FAM184B: variants seen among roughly 807,000 people sequenced by gnomAD.
FAM184B encodes family with sequence similarity 184 member B.
FAM184B carries 111 observed loss-of-function variants against 135.9 expected under a neutral mutation model. That is an observed-to-expected ratio of 0.82 (90% confidence interval 0.70 to 0.96). FAM184B has a LOEUF of 0.96. Ranked by LOEUF, FAM184B falls within the 40% of genes least tolerant of loss-of-function variation. FAM184B has a pLI of 0.00. For synonymous variants in FAM184B, 552 were observed against 524.8 expected (o/e 1.05, Z -0.71); for missense variants, 1,375 against 1,323.9 (o/e 1.04, Z -0.60).
intron 3 of FAM184B, among the ~76,000 whole-genome samples, chr4:17,707,335 G>A (rs553128199): frequency 6.6e-6 from 1 of 152,226 alleles, no homozygotes; most frequent in East Asian, 1.9e-4. Context: ...TTGTGTAAGT[G>A]GTGGGGGGTG....
chr4:17,766,349 G>A (rs1353325277), intron 1 of FAM184B, among the ~76,000 whole-genome samples: 1 of 152,170 alleles, frequency 6.6e-6, no homozygotes, highest in Non-Finnish European at 1.5e-5. Flanking sequence ...AGCACTGATT[G>A]GTGCATTTAC....
Position 17,734,206 on chromosome 4 carries a change from T to C in FAM184B, c.142-24562A>G, listed in dbSNP as rs541412988. Reference sequence around the variant, plus strand: ...CAAGATGGATTAAAGACTTACATGTTAGACCTAAAACCATAAAAACCCTAG... The same window carrying C: ...CAAGATGGATTAAAGACTTACATGTCAGACCTAAAACCATAAAAACCCTAG... On this transcript the variant is annotated intron_variant, in intron 1 of 17. Transcript: ENST00000265018. 1.9e-4 allele frequency among the ~76,000 whole-genome samples: 29 copies of C among 152,306 alleles called. No individual in the cohort carries two copies. The East Asian group carries it at 3.7e-3, about 19-fold the overall frequency.
chr4:17,757,972 A>G (rs986853492), intron 1 of FAM184B, among the ~76,000 whole-genome samples: 3 of 152,206 alleles, frequency 2.0e-5, no homozygotes, highest in Non-Finnish European at 2.9e-5. Context: ...AAGGACCATT[A>G]CAAATATCCA....
intron 7 of FAM184B, among the ~76,000 whole-genome samples, chr4:17,677,659 T>C (rs1716343678): frequency 6.6e-6 from 1 of 152,122 alleles, no homozygotes; most frequent in African/African-American, 2.4e-5. Context: ...GAACCCTCCA[T>C]AAATCATTCT....
At chr4:17,649,228 C>T (rs1275086974) in intron 11 of FAM184B, among the ~76,000 whole-genome samples, 4 of 152,122 alleles carry the variant, frequency 2.6e-5, no homozygotes, top group African/African-American at 4.8e-5. Context: ...AGCTTACTAA[C>T]CTTCCCTCAA....
In FAM184B at chr4:17,705,273, C is replaced by A; in HGVS notation, c.1171-67G>T. 2.5e-6 allele frequency: 3 copies of A among 1,220,808 alleles called. No homozygotes were observed. In the South Asian group the frequency reaches 4.1e-5, roughly 17 times the overall value. 75.6% of individuals were successfully genotyped at this position (1,220,808 alleles called of 1,614,324 possible). A position where few individuals can be genotyped will look rare whatever the true frequency, so the allele number is the denominator to read the frequency against. ...GTGAGGAGCAAGGAATCACCATTTC[C>A]CTTTCATACAACTTTTACAACGTTT... On this transcript the variant is annotated intron_variant, in intron 4 of 17. Coordinates refer to ENST00000265018, the MANE Select transcript of FAM184B (RefSeq NM_015688.2).
Position 17,705,003 on chromosome 4 carries a change from C to T in FAM184B, c.1374G>A (p.Gln458=). 2 of 1,551,628 alleles carry T rather than the reference C, an allele frequency of 1.3e-6. No individual in the cohort carries two copies. Among genetic ancestry groups the T allele is most frequent in the South Asian group, 2.4e-5 (2 of 84,042 alleles). ...SSVEAERKKL[Q]REVEAQLEEV... ...TCTCTATGGAAGTAGGTCTCACCCT[C>T]TGCAGTTTCTTTCTTTCAGCCTCCA... is the stretch of plus-strand genomic sequence containing the variant. The change falls in exon 5 of 18, where the codon CAG becomes CAA. Residue 458 remains glutamine (Q), a synonymous_variant. Transcript: ENST00000265018.
At chr4:17,718,609 C>T (rs751639785) in intron 1 of FAM184B, among the ~76,000 whole-genome samples, 3 of 152,134 alleles carry the variant, frequency 2.0e-5, no homozygotes, top group Non-Finnish European at 4.4e-5. Context: ...TTGCTTTGGC[C>T]AAGGGAATGT....
chr4:17,781,361 C>T lies in FAM184B; in HGVS notation c.-62G>A, dbSNP rs1577301059. On this transcript the variant is annotated 5_prime_UTR_variant, in exon 1 of 18. Coordinates refer to ENST00000265018, the MANE Select transcript of FAM184B (RefSeq NM_015688.2). This position sits in a 1 kb window ranked among gnomAD's most constrained non-coding sequence, Gnocchi z 6.5. ...TCTCCCTGCCCACCGTGTGCACGTG[C>T]GTGCGCGCGCGGGCGTGCGAGCGTG... 6 of 1,419,110 alleles carry T rather than the reference C, an allele frequency of 4.2e-6. No individual in the cohort carries two copies. The East Asian group carries it at 1.7e-4, about 41-fold the overall frequency. The allele number at this position is 1,419,110 out of a possible 1,614,324, so 87.9% of individuals were successfully genotyped here. A position where few individuals can be genotyped will look rare whatever the true frequency, so the allele number is the denominator to read the frequency against.
chr4:17,643,699 G>A (rs527251792), intron 12 of FAM184B, among the ~76,000 whole-genome samples: 2 of 152,334 alleles, frequency 1.3e-5, no homozygotes, highest in East Asian at 3.9e-4. Context: ...CACAGAAATT[G>A]CCTTCCTATG....
chr4:17,778,212 T>C (rs1428938931), intron 1 of FAM184B, among the ~76,000 whole-genome samples: 1 of 152,206 alleles, frequency 6.6e-6, no homozygotes. Flanking sequence ...GCAGCTTATT[T>C]ATAAGGGAAT....
rs56926847 is a variant in FAM184B at position 17,638,134 on chromosome 4, CT to C, written c.2666+1115del. Among the ~76,000 whole-genome samples the C allele has an allele frequency of 7.8e-3, 573 of 73,386 alleles. 17 individuals are homozygous for C. The highest frequency in any genetic ancestry group is 0.025 in the African/African-American group (533 of 21,706). The allele number at this position is 73,386 out of a possible 152,430, so 48.1% of individuals were successfully genotyped here. ...CGCCTGGTATGATGTTAACTGTTTGCTTTTTTTTTTTTTTTTTTTTTTTTTT... is the reference window on the plus strand; with the variant it reads ...CGCCTGGTATGATGTTAACTGTTTGCTTTTTTTTTTTTTTTTTTTTTTTTT... On this transcript the variant is annotated intron_variant, in intron 14 of 17. Coordinates refer to ENST00000265018, the MANE Select transcript of FAM184B (RefSeq NM_015688.2).
At chr4:17,636,671 G>C (rs1219259844) in intron 14 of FAM184B, 26 bp from the exon 15 acceptor site, 1 of 1,511,502 alleles carries the variant, frequency 6.6e-7, no homozygotes, top group East Asian at 2.5e-5. Context: ...ATGCAGTCAA[G>C]TCCCCCTTAC....
At chr4:17,780,394 G>A (rs950104810) in intron 1 of FAM184B, among the ~76,000 whole-genome samples, 2 of 152,178 alleles carry the variant, frequency 1.3e-5, no homozygotes, top group African/African-American at 4.8e-5. Context: ...AGTGAGGGAT[G>A]TTGTTTTCCA....
At chr4:17,683,892 A>G (rs1272064048) in intron 7 of FAM184B, among the ~76,000 whole-genome samples, 4 of 151,800 alleles carry the variant, frequency 2.6e-5, no homozygotes. Context: ...CCTGGACAGC[A>G]TGATGAAGGC....
At chr4:17,761,036 G>C (rs1467681575) in intron 1 of FAM184B, among the ~76,000 whole-genome samples, 1 of 152,184 alleles carries the variant, frequency 6.6e-6, no homozygotes, top group Admixed American at 6.5e-5. Flanking sequence ...TTTTAGTTGA[G>C]GCCAGGGATA....
At chr4:17,693,761 G>A (rs993052248) in intron 5 of FAM184B, among the ~76,000 whole-genome samples, 1 of 152,152 alleles carries the variant, frequency 6.6e-6, no homozygotes, top group African/African-American at 2.4e-5. Flanking sequence ...TTCGGATGCA[G>A]GGAAATAGGA....
chr4:17,642,361 T>A, intron 12 of FAM184B, 133 bp from the exon 13 acceptor site: 1 of 1,363,246 alleles, frequency 7.3e-7, no homozygotes, highest in Non-Finnish European at 9.4e-7. Flanking sequence ...GGCAGGCTCC[T>A]GAGTTCCCTG....
At chr4:17,703,680 C>T (rs562790746) in intron 5 of FAM184B, among the ~76,000 whole-genome samples, 4 of 152,196 alleles carry the variant, frequency 2.6e-5, no homozygotes, top group Middle Eastern at 3.4e-3. Flanking sequence ...CGCCTGTAAT[C>T]CCAGCACTTT....
Sources: gnomAD v4.1 joint callset for allele counts (sites outside exome capture counted in the v4.1 genomes callset) on GRCh38, gnomAD v4.1.1 for gene constraint, Gnocchi (gnomAD v3.1) non-coding constraint, MANE v1.5 for transcripts, NCBI Gene and HGNC (gene_info 2026-07-23, HGNC 2026-07-21) for gene names.